ARHGEF10L: variants seen among roughly 807,000 people sequenced by gnomAD.
ARHGEF10L encodes Rho guanine nucleotide exchange factor 10 like, also known as rho guanine nucleotide exchange factor 10-like protein.
In ARHGEF10L, 69 loss-of-function variants were observed where a neutral mutation model predicts 141.2. The observed-to-expected ratio is 0.49, with a 90% CI of 0.40 to 0.60. ARHGEF10L has a LOEUF of 0.60. Ranked by LOEUF, ARHGEF10L falls within the 20% of genes least tolerant of loss-of-function variation. The pLI, the probability that ARHGEF10L is intolerant of heterozygous loss-of-function variation, is 0.00. For missense variants in ARHGEF10L, 1,482 were observed against 1,734.3 expected, an observed-to-expected ratio of 0.85 and a Z score of 2.58; for synonymous variants, 711 against 718.5, an observed-to-expected ratio of 0.99 and a Z score of 0.17.
chr1:17,660,527 C>T (rs1424368714), intron 25 of ARHGEF10L, among the ~76,000 whole-genome samples: 1 of 152,180 alleles, frequency 6.6e-6, no homozygotes, highest in East Asian at 1.9e-4. Flanking sequence ...TCATCACAGT[C>T]GCTATTTACT....
chr1:17,663,568 A>C (rs908170863), intron 25 of ARHGEF10L, among the ~76,000 whole-genome samples: 27 of 151,706 alleles, frequency 1.8e-4, no homozygotes, highest in Middle Eastern at 6.8e-3. Context: ...AAAAAAAAAA[A>C]AACAAAAAAA....
chr1:17,650,095 TGA>T (rs1167503627), intron 22 of ARHGEF10L, among the ~76,000 whole-genome samples: 1 of 152,066 alleles, frequency 6.6e-6, no homozygotes, highest in African/African-American at 2.4e-5. Flanking sequence ...GGCTGGTGTG[TGA>T]GAGTGAATTG....
chr1:17,668,975 G>C lies in ARHGEF10L; in HGVS notation c.3009+4380G>C, dbSNP rs147125600. On this transcript the variant is annotated intron_variant, in intron 26 of 28. Coordinates refer to ENST00000361221, the MANE Select transcript of ARHGEF10L (RefSeq NM_018125.4). Reference sequence around the variant, plus strand: ...GGCCACTGCATGGCCAGCCAGGCCTGGGGGAGCCGCCTGGAGCCGGGGCTG... The same window carrying C: ...GGCCACTGCATGGCCAGCCAGGCCTCGGGGAGCCGCCTGGAGCCGGGGCTG... Among the ~76,000 whole-genome samples, 301 of 152,280 alleles carry C rather than the reference G, an allele frequency of 2.0e-3. 1 individual carries two copies. The highest frequency in any genetic ancestry group is 3.1e-3 in the Admixed American group (48 of 15,298).
At chr1:17,666,590 C>G (rs1354500487) in intron 26 of ARHGEF10L, among the ~76,000 whole-genome samples, 1 of 152,138 alleles carries the variant, frequency 6.6e-6, no homozygotes, top group African/African-American at 2.4e-5. Context: ...GACAGTGAGA[C>G]ACCAACAGGA....
At chr1:17,521,983 C>A in the ARHGEF10L span, among the ~76,000 whole-genome samples, 3 of 152,212 alleles carry the variant, frequency 2.0e-5, no homozygotes, top group Non-Finnish European at 2.9e-5. Context: ...TAGCCCCCAG[C>A]TACCAGAGTC....
At chr1:17,601,036 C>T (rs547414559) in intron 4 of ARHGEF10L, among the ~76,000 whole-genome samples, 16 of 130,932 alleles carry the variant, frequency 1.2e-4, no homozygotes, top group South Asian at 4.9e-4. Flanking sequence ...GGCGACAGAG[C>T]GAGGCTCTGT....
chr1:17,632,448 G>A lies in ARHGEF10L; in HGVS notation c.1712G>A (p.Cys571Tyr). 1 of 1,614,168 alleles carries A rather than the reference G, an allele frequency of 6.2e-7. No homozygotes were observed. Among genetic ancestry groups the A allele is most frequent in the Non-Finnish European group, 8.5e-7 (1 of 1,180,022 alleles). Residue 571 changes from cysteine (C) to tyrosine (Y), a missense_variant, in exon 16 of 29, where the codon TGT (cysteine) becomes TAT (tyrosine). Around this residue, in one of 3 missense-constraint regions of ARHGEF10L, gnomAD observed 858 missense variants for 966.3 expected, o/e 0.89. Transcript: ENST00000361221. ...RVFLLNDMLV[C>Y]ANINFKPANH... ...TTCCTGCTCAACGACATGCTTGTCT[G>A]TGCCAACATCAACTTCAAGTAAGTG...
intron 1 of ARHGEF10L, among the ~76,000 whole-genome samples, chr1:17,549,618 A>G (rs944598667): frequency 2.6e-5 from 4 of 152,184 alleles, no homozygotes; most frequent in African/African-American, 9.7e-5. Flanking sequence ...AGCAAATGCA[A>G]AAGCCCTGAG....
At chr1:17,649,630 A>T (rs1370266858) in intron 22 of ARHGEF10L, among the ~76,000 whole-genome samples, 1 of 152,230 alleles carries the variant, frequency 6.6e-6, no homozygotes, top group Non-Finnish European at 1.5e-5. Context: ...GAAGGTCCCA[A>T]CCCTTATGTA....
chr1:17,515,645 T>C, the ARHGEF10L span, among the ~76,000 whole-genome samples: 1 of 151,356 alleles, frequency 6.6e-6, no homozygotes, highest in Non-Finnish European at 1.5e-5. Context: ...TTTTCTTTTT[T>C]TCTTTTCTTT....
chr1:17,571,163 G>A (rs144645895), intron 1 of ARHGEF10L, among the ~76,000 whole-genome samples: 351 of 152,236 alleles, frequency 2.3e-3, no homozygotes, highest in African/African-American at 8.1e-3. Context: ...CCGCGGTGTA[G>A]CCTGAACCTG....
intron 2 of ARHGEF10L, among the ~76,000 whole-genome samples, chr1:17,586,591 A>C (rs1351439336): frequency 2.0e-5 from 3 of 152,120 alleles, no homozygotes; most frequent in Non-Finnish European, 4.4e-5. Flanking sequence ...GCTCTCTAGG[A>C]TAGAGAATTC....
intron 1 of ARHGEF10L, among the ~76,000 whole-genome samples, chr1:17,555,200 C>T (rs2077261601): frequency 6.6e-6 from 1 of 152,060 alleles, no homozygotes; most frequent in South Asian, 2.1e-4. Flanking sequence ...TATTGTTATT[C>T]TCCAGCAGGG....
At chr1:17,613,725 CA>C (rs1374195814) in intron 8 of ARHGEF10L, among the ~76,000 whole-genome samples, 2 of 152,238 alleles carry the variant, frequency 1.3e-5, no homozygotes, top group Middle Eastern at 3.2e-3. Context: ...ATGATATCGA[CA>C]ACAGTAGCTT....
intron 8 of ARHGEF10L, 29 bp from the exon 9 acceptor site, chr1:17,616,065 C>T (rs2059791525): frequency 6.2e-7 from 1 of 1,601,854 alleles, no homozygotes; most frequent in Non-Finnish European, 8.5e-7. Flanking sequence ...GCCGTCCCTT[C>T]CCTGATGAGC....
chr1:17,559,635 G>A (rs2077470529), intron 1 of ARHGEF10L, among the ~76,000 whole-genome samples: 1 of 152,188 alleles, frequency 6.6e-6, no homozygotes, highest in African/African-American at 2.4e-5. Flanking sequence ...GCCATGCCTG[G>A]GGGTCAGTCT....
chr1:17,604,306 G>A (rs993132592), intron 6 of ARHGEF10L, among the ~76,000 whole-genome samples: 3 of 152,050 alleles, frequency 2.0e-5, no homozygotes, highest in African/African-American at 7.2e-5. Context: ...GGCATTTTGT[G>A]ACAGATGAGG....
At chr1:17,554,793 G>A (rs567806044) in intron 1 of ARHGEF10L, among the ~76,000 whole-genome samples, 52 of 151,988 alleles carry the variant, frequency 3.4e-4, no homozygotes, top group South Asian at 2.7e-3. Context: ...GTTTTGCCAC[G>A]TTGCCCAGGC....
At chr1:17,626,747 C>G (rs927635806) in intron 14 of ARHGEF10L, among the ~76,000 whole-genome samples, 8 of 152,238 alleles carry the variant, frequency 5.3e-5, no homozygotes, top group Admixed American at 3.3e-4. Context: ...GAAACTCTGC[C>G]CATTCAACAA....
Sources: gnomAD v4.1 joint callset for allele counts (sites outside exome capture counted in the v4.1 genomes callset) on GRCh38, gnomAD v4.1.1 for gene constraint, gnomAD v4.1.1 regional missense constraint, MANE v1.5 for transcripts, NCBI Gene and HGNC (gene_info 2026-07-23, HGNC 2026-07-21) for gene names.